CDH2: variants seen among roughly 807,000 people sequenced by gnomAD.
The protein encoded by CDH2 is cadherin-2.
A neutral mutation model predicts 92.0 loss-of-function variants in CDH2; 17 were observed. The ratio of observed to expected loss-of-function variants is 0.18; its 90% CI spans 0.13 to 0.28. The LOEUF (loss-of-function observed/expected upper bound fraction) is 0.28. Among genes scored for constraint, CDH2 ranks in the 10% least tolerant of loss-of-function variants. CDH2 has a pLI of 1.00. For missense variants in CDH2, 862 were observed against 1,133.1 expected (o/e 0.76, Z 3.44); for synonymous variants, 419 against 415.9 (o/e 1.01, Z -0.09).
chr18:27,958,782 C>T (rs1038414628), intron 15 of CDH2, among the ~76,000 whole-genome samples: 32 of 152,066 alleles, frequency 2.1e-4, no homozygotes, highest in African/African-American at 6.5e-4. Context: ...ATCATGGGGA[C>T]GGTTACCCCT....
intron 1 of CDH2, among the ~76,000 whole-genome samples, chr18:28,163,752 C>T (rs1301536518): frequency 6.6e-6 from 1 of 152,164 alleles, no homozygotes; most frequent in African/African-American, 2.4e-5. Context: ...AAGCAAATCA[C>T]AGAAAAATAC....
At chr18:28,079,838 T>A (rs780933678) in intron 2 of CDH2, among the ~76,000 whole-genome samples, 12 of 152,196 alleles carry the variant, frequency 7.9e-5, no homozygotes, top group Non-Finnish European at 1.6e-4. Context: ...AGAAAACGTG[T>A]CATGTGACCA....
intron 2 of CDH2, among the ~76,000 whole-genome samples, chr18:28,072,561 C>T (rs1010400920): frequency 5.3e-5 from 8 of 151,142 alleles, no homozygotes; most frequent in Middle Eastern, 3.4e-3. Context: ...GTATCCTCTA[C>T]AATGCAGCAA....
intron 2 of CDH2, among the ~76,000 whole-genome samples, chr18:28,060,904 A>T (rs1377119589): frequency 6.6e-6 from 1 of 152,222 alleles, no homozygotes; most frequent in Non-Finnish European, 1.5e-5. Flanking sequence ...CAACAAAATC[A>T]GCATTTTAAA....
At chr18:28,151,694 C>T (rs1189684420) in intron 1 of CDH2, among the ~76,000 whole-genome samples, 5 of 152,254 alleles carry the variant, frequency 3.3e-5, no homozygotes, top group East Asian at 3.9e-4. Flanking sequence ...CTGGAACTTC[C>T]AAGAGGAGAA....
chr18:28,177,075 C>G lies in CDH2; in HGVS notation c.-53G>C. ...CCGGAGGAGGCGGCGGCGGCGGCGG[C>G]GGCGGCGGAGGAGGAGGAGGCAGCG... On this transcript the variant is annotated 5_prime_UTR_variant, in exon 1 of 16. Transcript: ENST00000269141. 7.3e-7 allele frequency: 1 copy of G among 1,368,218 alleles called. No individual in the cohort carries two copies. Among genetic ancestry groups the G allele is most frequent in the South Asian group, 1.3e-5 (1 of 76,056 alleles). 84.8% of individuals were successfully genotyped at this position (1,368,218 alleles called of 1,614,324 possible).
intron 2 of CDH2, among the ~76,000 whole-genome samples, chr18:28,078,757 C>A (rs1299786385): frequency 1.3e-5 from 2 of 151,854 alleles, no homozygotes; most frequent in Admixed American, 1.3e-4. Context: ...CATGTCCACA[C>A]AATAACAGTT....
At chr18:28,159,808 T>A (rs568156670) in intron 1 of CDH2, among the ~76,000 whole-genome samples, 4 of 152,098 alleles carry the variant, frequency 2.6e-5, no homozygotes, top group African/African-American at 9.7e-5. Context: ...AGGTGTCCTA[T>A]ACCACGCCCA....
chr18:28,063,080 A>C (rs2014435771), intron 2 of CDH2, among the ~76,000 whole-genome samples: 1 of 152,218 alleles, frequency 6.6e-6, no homozygotes, highest in East Asian at 1.9e-4. Context: ...TAAACATTAG[A>C]TATAAGTAGC....
At chr18:27,945,381 T>G (rs2143840054) in intron 6 of CDH2, among the ~76,000 whole-genome samples, 1 of 133,516 alleles carries the variant, frequency 7.5e-6, no homozygotes, top group African/African-American at 2.8e-5. Flanking sequence ...AAGGATATGG[T>G]GATAATAACT....
intron 2 of CDH2, among the ~76,000 whole-genome samples, chr18:28,052,044 AAAC>A (rs148221510): frequency 0.024 from 3,674 of 152,262 alleles, 64 homozygotes; most frequent in East Asian, 0.053. Context: ...CACTTTTGTA[AAAC>A]AACAACGATG....
chr18:28,105,278 CA>C (rs1421999397), intron 2 of CDH2, among the ~76,000 whole-genome samples: 1 of 152,100 alleles, frequency 6.6e-6, no homozygotes, highest in Non-Finnish European at 1.5e-5. Flanking sequence ...TTCCATGACA[CA>C]AAGCAAATGT....
chr18:28,043,890 ATTTTTTTTTTTTTTTTTTTT>A (rs67532914), intron 2 of CDH2, among the ~76,000 whole-genome samples: 2 of 91,452 alleles, frequency 2.2e-5, no homozygotes, highest in Admixed American at 1.3e-4. Flanking sequence ...AGAATCTCGG[ATTTTTTTTTTTTTTTTTTTT>A]TTTTTTTTTT....
chr18:28,103,918 A>G (rs960292556), intron 2 of CDH2, among the ~76,000 whole-genome samples: 2 of 152,170 alleles, frequency 1.3e-5, no homozygotes, highest in African/African-American at 4.8e-5. Flanking sequence ...TTTAAATACT[A>G]TTAATTTTTT....
At chr18:27,967,512 G>C (rs2011559534) in intron 14 of CDH2, among the ~76,000 whole-genome samples, 1 of 152,106 alleles carries the variant, frequency 6.6e-6, no homozygotes, top group African/African-American at 2.4e-5. Context: ...AATCCAAAAA[G>C]ACATCTTTAT....
intron 1 of CDH2, among the ~76,000 whole-genome samples, chr18:28,155,902 T>C (rs1364148560): frequency 6.6e-6 from 1 of 152,228 alleles, no homozygotes; most frequent in African/African-American, 2.4e-5. Context: ...TCTGTGTCAG[T>C]AATGCCACTG....
intron 2 of CDH2, among the ~76,000 whole-genome samples, chr18:28,057,404 G>C (rs943385875): frequency 1.3e-5 from 2 of 152,170 alleles, no homozygotes; most frequent in Non-Finnish European, 2.9e-5. Context: ...GGTGGCTCAC[G>C]CCTGTAATCC....
Position 27,963,455 on chromosome 18 carries a change from T to C in CDH2, c.2416A>G (p.Ile806Val). ...ATGGGTCTTTCATCCATTCGTCGGA[T>C]TCCCACAGGCTTGATGGCATCAGGC... ...VEPDAIKPVG[I>V]RRMDERPIHA... is the part of the protein sequence containing the mutation. The change falls in exon 15 of 16, where the codon ATC (isoleucine) becomes GTC (valine). Residue 806 changes from isoleucine to valine, a missense_variant. Coordinates refer to ENST00000269141, the MANE Select transcript of CDH2 (RefSeq NM_001792.5). The C allele has an allele frequency of 6.2e-7, 1 of 1,614,092 alleles. No individual in the cohort carries two copies. Among genetic ancestry groups the C allele is most frequent in the Non-Finnish European group, 8.5e-7 (1 of 1,180,012 alleles).
At chr18:27,946,480 A>G (rs1168375946), downstream of CDH2, among the ~76,000 whole-genome samples, 1 of 152,088 alleles carries the variant, frequency 6.6e-6, no homozygotes, top group African/African-American at 2.4e-5. Flanking sequence ...GTAAATTGTG[A>G]AACATGTTCA....
Sources: allele counts gnomAD v4.1 joint callset (sites outside exome capture counted in the v4.1 genomes callset), GRCh38; gene constraint gnomAD v4.1.1; transcripts MANE v1.5; gene names NCBI Gene and HGNC (gene_info 2026-07-23, HGNC 2026-07-21).